AKAP1: variants seen among roughly 807,000 people sequenced by gnomAD.
The protein encoded by AKAP1 is A-kinase anchor protein 1, mitochondrial.
Under a neutral mutation model 79.8 loss-of-function variants are expected in AKAP1, and 32 were observed. The ratio of observed to expected loss-of-function variants is 0.40; its 90% CI spans 0.30 to 0.54. AKAP1 has a LOEUF of 0.54. Among genes scored for constraint, AKAP1 ranks in the 20% least tolerant of loss-of-function variants. The pLI is 0.47. For missense variants in AKAP1, 961 were observed against 1,138.9 expected (o/e 0.84, Z 2.25); for synonymous variants, 416 against 466.7 (o/e 0.89, Z 1.40).
rs2230771 is a variant in AKAP1 at position 57,105,769 on chromosome 17, G to A, written c.305G>A (p.Cys102Tyr). 1 of 1,614,174 alleles carries A rather than the reference G, an allele frequency of 6.2e-7. No individual in the cohort carries two copies. The highest frequency in any genetic ancestry group is 8.5e-7 in the Non-Finnish European group (1 of 1,180,046). Residue 102 changes from cysteine (C) to tyrosine (Y), a missense_variant, in exon 2 of 11, where the codon TGC becomes TAC. Coordinates refer to ENST00000337714, the MANE Select transcript of AKAP1 (RefSeq NM_003488.4). ...GCATTGCTCCAGACACACCCACCTT[G>A]CCGAAGATCAGAGTCCTCGGGCATT... is the stretch of plus-strand genomic sequence containing the variant. ...PPALLQTHPP[C>Y]RRSESSGILP...
chr17:57,104,978 A>G lies in AKAP1; in HGVS notation c.-24-463A>G, dbSNP rs116081248. On this transcript the variant is annotated intron_variant, in intron 1 of 10. Transcript: ENST00000337714. Reference sequence around the variant, plus strand: ...TAACAAAGTTCCATTTCATTGACTCATGATTTTATGGGTAGATGTGAGGGA... The same window carrying G: ...TAACAAAGTTCCATTTCATTGACTCGTGATTTTATGGGTAGATGTGAGGGA... Among the ~76,000 whole-genome samples, 166 of 152,238 alleles carry G rather than the reference A, an allele frequency of 1.1e-3. 1 individual carries two copies. Among genetic ancestry groups the G allele is most frequent in the African/African-American group, 3.9e-3 (160 of 41,544 alleles).
intron 10 of AKAP1, 29 bp from the exon 11 acceptor site, chr17:57,120,221 A>G (rs1174345400): frequency 1.9e-6 from 3 of 1,604,404 alleles, no homozygotes; most frequent in South Asian, 2.2e-5. Context: ...TGCCATGGAC[A>G]AAAGCTTTAA....
intron 1 of AKAP1, among the ~76,000 whole-genome samples, chr17:57,091,850 G>A (rs1050330288): frequency 6.6e-6 from 1 of 151,872 alleles, no homozygotes; most frequent in Non-Finnish European, 1.5e-5. Context: ...CATGATGCCT[G>A]GCTAGTTAAA....
chr17:57,105,710 G>A lies in AKAP1; in HGVS notation c.246G>A (p.Leu82=), dbSNP rs1567905857. Residue 82 remains leucine (L), a synonymous_variant, in exon 2 of 11, where the codon CTG becomes CTA. Coordinates refer to ENST00000337714, the MANE Select transcript of AKAP1 (RefSeq NM_003488.4). The part of the protein sequence containing the change: ...PSVTEPPEKE[L]STVSKLPAEP... ...TCACAGAGCCTCCAGAAAAGGAACT[G>A]TCCACCGTGAGCAAGCTGCCTGCAG... 6.2e-7 allele frequency: 1 copy of A among 1,614,132 alleles called. No homozygotes were observed. Among genetic ancestry groups the A allele is most frequent in the Non-Finnish European group, 8.5e-7 (1 of 1,180,026 alleles).
intron 1 of AKAP1, among the ~76,000 whole-genome samples, chr17:57,098,132 G>T (rs1340654087): frequency 6.6e-6 from 1 of 152,256 alleles, no homozygotes; most frequent in Non-Finnish European, 1.5e-5. Context: ...TTTGGAACCT[G>T]GAGTGAGCAG....
rs1387165071 is a variant in AKAP1, at chr17:57,111,892, A to C, written c.1943A>C (p.Tyr648Ser). 1.2e-6 allele frequency: 2 copies of C among 1,614,148 alleles called. No homozygotes were observed. The highest frequency in any genetic ancestry group is 1.7e-6 in the Non-Finnish European group (2 of 1,180,016). The change falls in exon 4 of 11, where the codon TAC (tyrosine) becomes TCC (serine). Residue 648 changes from tyrosine to serine, a missense_variant. Physicochemically the swap from Tyr to Ser is moderately radical, Grantham distance 144. Around this residue, in one of 3 missense-constraint regions of AKAP1, gnomAD observed 629 missense variants for 781.1 expected, o/e 0.81. Coordinates refer to ENST00000337714, the MANE Select transcript of AKAP1 (RefSeq NM_003488.4). ...AAGATCTACATTTCAACCCTGCCTTACACCCAGAGCGTCCAGATCTGCCAC... is the reference window on the plus strand; with the variant it reads ...AAGATCTACATTTCAACCCTGCCTTCCACCCAGAGCGTCCAGATCTGCCAC... ...GAKIYISTLPYTQSVQICHIE... is the reference protein window; with the variant it reads ...GAKIYISTLPSTQSVQICHIE...
Position 57,086,612 on chromosome 17 carries a change from C to G in AKAP1, c.-25+1214C>G, listed in dbSNP as rs1249886977. 2.9e-6 allele frequency: 1 copy of G among 349,262 alleles called. No homozygotes were observed. The highest frequency in any genetic ancestry group is 5.6e-6 in the Non-Finnish European group (1 of 177,520). The allele number at this position is 349,262 out of a possible 1,614,324, so 21.6% of individuals were successfully genotyped here. A position where few individuals can be genotyped will look rare whatever the true frequency, so the allele number is the denominator to read the frequency against. ...TAGTGAGGTTAACCTGGGTATCTTT[C>G]CCCTACTGTAGTGCGCGTTACTTCG... On this transcript the variant is annotated intron_variant, in intron 1 of 10. Coordinates refer to ENST00000337714, the MANE Select transcript of AKAP1 (RefSeq NM_003488.4). This position sits in a 1 kb window ranked among gnomAD's most constrained non-coding sequence, Gnocchi z 5.1.
At chr17:57,087,967 C>T (rs1913561420) in intron 1 of AKAP1, among the ~76,000 whole-genome samples, 2 of 152,144 alleles carry the variant, frequency 1.3e-5, no homozygotes, top group Admixed American at 1.3e-4. Flanking sequence ...GTCTGTTTTC[C>T]TATTGTGGGG....
chr17:57,116,544 A>G (rs1196481818), intron 7 of AKAP1, among the ~76,000 whole-genome samples: 2 of 152,188 alleles, frequency 1.3e-5, no homozygotes, highest in Admixed American at 1.3e-4. Context: ...TGGGAGGGTC[A>G]CTTGAGTGCA....
chr17:57,107,159 G>A lies in AKAP1; in HGVS notation c.1695G>A (p.Ala565=), dbSNP rs531187053. The change falls in exon 2 of 11, where the codon GCG becomes GCA. Residue 565 remains alanine (A), a synonymous_variant. Transcript: ENST00000337714. ...CTGAGGATGGATGGACCATGGATGC[G>A]GAAGCAGATCATTCAGGAGGTAGGA... ...LGAEDGWTMD[A]EADHSGGSDR... 99 of 1,607,146 alleles carry A rather than the reference G, an allele frequency of 6.2e-5. No individual in the cohort carries two copies. In the East Asian group the frequency reaches 1.7e-3, roughly 28 times the overall value.
At chr17:57,103,842 C>A (rs564844177) in intron 1 of AKAP1, among the ~76,000 whole-genome samples, 3 of 152,140 alleles carry the variant, frequency 2.0e-5, no homozygotes, top group Non-Finnish European at 4.4e-5. Context: ...TACCAACCAT[C>A]CATTAAGAGA....
At chr17:57,112,211 C>T (rs138739831) in intron 4 of AKAP1, among the ~76,000 whole-genome samples, 11 of 152,230 alleles carry the variant, frequency 7.2e-5, no homozygotes, top group Middle Eastern at 3.4e-3. Context: ...AGGCTTCTCT[C>T]AAAGCAGAAG....
intron 6 of AKAP1, among the ~76,000 whole-genome samples, chr17:57,115,804 A>T (rs184863158): frequency 2.0e-5 from 3 of 152,092 alleles, no homozygotes; most frequent in African/African-American, 7.2e-5. Flanking sequence ...GTTTATTCCT[A>T]TTCATCTGTG....
intron 1 of AKAP1, among the ~76,000 whole-genome samples, chr17:57,104,629 G>A (rs1160525010): frequency 1.3e-5 from 2 of 152,252 alleles, no homozygotes; most frequent in African/African-American, 2.4e-5. Context: ...TGGAGTGCCC[G>A]TTGTTCACCC....
rs773267940 is a variant in AKAP1 at position 57,112,571 on chromosome 17, C to T, written c.2056C>T (p.Pro686Ser). The change falls in exon 5 of 11, where the codon CCC becomes TCC. Residue 686 changes from proline (P) to serine (S), a missense_variant. Transcript: ENST00000337714. ...KELNLTNIYA[P>S]PLPSLALPSL... The stretch of plus-strand genomic sequence containing the variant: ...GCTGAACCTCACCAATATCTACGCT[C>T]CCCCATTGCCTTCACTGGCACTGCC... 6.2e-7 allele frequency: 1 copy of T among 1,614,148 alleles called. No homozygotes were observed. Among genetic ancestry groups the T allele is most frequent in the East Asian group, 2.2e-5 (1 of 44,882 alleles).
chr17:57,102,797 A>G (rs906445632), intron 1 of AKAP1, among the ~76,000 whole-genome samples: 1 of 152,138 alleles, frequency 6.6e-6, no homozygotes, highest in African/African-American at 2.4e-5. Flanking sequence ...AACCTTCAAG[A>G]TAGTAATTCA....
chr17:57,102,075 G>A (rs972455657), intron 1 of AKAP1, among the ~76,000 whole-genome samples: 3 of 152,086 alleles, frequency 2.0e-5, no homozygotes, highest in African/African-American at 7.2e-5. Flanking sequence ...GCCTCAGCCT[G>A]TGCAGAGGTA....
At position 57,110,167 on chromosome 17, in the gene AKAP1, G is replaced by A. The variant is rs369991098; in HGVS notation, c.1848+9G>A. 1.2e-5 allele frequency: 20 copies of A among 1,613,310 alleles called. No individual in the cohort carries two copies. The highest frequency in any genetic ancestry group is 1.7e-4 in the Middle Eastern group (1 of 5,852). ...AGATCGAGGTGCCAAAGGTAGGGGC[G>A]GAGTCCCCCAGGCTGGTTCTGTGGT... On this transcript the variant is annotated intron_variant, in intron 3 of 10. Transcript: ENST00000337714.
chr17:57,112,766 G>A lies in AKAP1; in HGVS notation c.2103+148G>A, dbSNP rs2144755712. The A allele has an allele frequency of 2.5e-6, 3 of 1,206,594 alleles. No homozygotes were observed. The South Asian group carries it at 4.8e-5, about 19-fold the overall frequency. 74.7% of individuals were successfully genotyped at this position (1,206,594 alleles called of 1,614,324 possible). On this transcript the variant is annotated intron_variant, in intron 5 of 10. Coordinates refer to ENST00000337714, the MANE Select transcript of AKAP1 (RefSeq NM_003488.4). ...TCTCTGGCCTCTGCTGGTCGGTTCT[G>A]CTATGGGACTGTGTTCTGGGGACAG...
Sources: gnomAD v4.1 joint callset for allele counts (sites outside exome capture counted in the v4.1 genomes callset) on GRCh38, gnomAD v4.1.1 for gene constraint, gnomAD v4.1.1 regional missense constraint, Gnocchi (gnomAD v3.1) non-coding constraint, MANE v1.5 for transcripts, NCBI Gene and HGNC (gene_info 2026-07-23, HGNC 2026-07-21) for gene names.